HROB: variants seen among roughly 807,000 people sequenced by gnomAD.
HROB encodes homologous recombination OB-fold protein.
In HROB, 44 loss-of-function variants were observed where a neutral mutation model predicts 61.0. That is an observed-to-expected ratio of 0.72 (90% CI 0.57 to 0.93). The LOEUF (loss-of-function observed/expected upper bound fraction) is 0.93, where lower values mean the gene tolerates loss of function less well. Ranked by LOEUF, HROB falls within the 40% of genes least tolerant of loss-of-function variation. The pLI is 0.00. For missense variants in HROB, 716 were observed against 796.2 expected, an observed-to-expected ratio of 0.90 and a Z score of 1.21; for synonymous variants, 301 against 310.4, an observed-to-expected ratio of 0.97 and a Z score of 0.32.
intron 1 of HROB, among the ~76,000 whole-genome samples, chr17:44,142,506 G>C (rs2053481042): frequency 7.4e-6 from 1 of 134,976 alleles, no homozygotes; most frequent in Non-Finnish European, 1.5e-5. Context: ...TCGTTCTGTC[G>C]CCCAGGCTGG....
Position 44,154,920 on chromosome 17 carries a change from A to G in HROB, c.1626A>G (p.Ser542=). 4 of 1,613,882 alleles carry G rather than the reference A, an allele frequency of 2.5e-6. No individual in the cohort carries two copies. Among genetic ancestry groups the G allele is most frequent in the Non-Finnish European group, 1.7e-6 (2 of 1,179,960 alleles). Residue 542 remains serine (S), a synonymous_variant, in exon 7 of 10, where the codon TCA becomes TCG. Transcript: ENST00000585683. ...ETCQNELKPG[S]VLLLKQIGVF... is the part of the protein sequence containing the mutation. Reference sequence around the variant, plus strand: ...GCCAGAATGAGCTGAAGCCTGGCTCAGTGCTGCTGCTGAAGCAGGTATGGG... The same window carrying G: ...GCCAGAATGAGCTGAAGCCTGGCTCGGTGCTGCTGCTGAAGCAGGTATGGG...
At chr17:44,161,765 C>A in intron 9 of HROB, 106 bp from the exon 10 acceptor site, 1 of 1,255,846 alleles carries the variant, frequency 8.0e-7, no homozygotes, top group East Asian at 2.3e-5. Context: ...GCCTGCCCAG[C>A]TATACAGCCA....
chr17:44,153,637 C>G (rs1471058334), intron 5 of HROB, among the ~76,000 whole-genome samples: 2 of 152,030 alleles, frequency 1.3e-5, no homozygotes, highest in African/African-American at 4.8e-5. Context: ...TCTAGCTACT[C>G]AGGAGGCTGA....
chr17:44,152,791 GT>G lies in HROB; in HGVS notation c.1449+15del, dbSNP rs765716501. 1 of 1,610,790 alleles carries G rather than the reference GT, an allele frequency of 6.2e-7. No homozygotes were observed. The highest frequency in any genetic ancestry group is 1.1e-5 in the South Asian group (1 of 90,712). On this transcript the variant is annotated intron_variant, in intron 5 of 9. Transcript: ENST00000585683. ...GTGCTGCGCAAGGTAAGGATTCTGG[GT>G]GCTGAGACCCAAAGGAAAGACCATT...
At position 44,162,170 on chromosome 17, in the gene HROB, C is replaced by A; in HGVS notation, c.*238C>A. 1 of 504,126 alleles carries A rather than the reference C, an allele frequency of 2.0e-6. No individual in the cohort carries two copies. The highest frequency in any genetic ancestry group is 3.6e-6 in the Non-Finnish European group (1 of 281,638). 31.2% of individuals were successfully genotyped at this position (504,126 alleles called of 1,614,324 possible). On this transcript the variant is annotated 3_prime_UTR_variant, in exon 10 of 10. Transcript: ENST00000585683. ...TCCGGCCGGAGACTGGCTCTCCAGC[C>A]AACAAGAAAGGCCTGTCACCCTCGC...
chr17:44,152,145 A>G (rs2053830380), intron 4 of HROB, among the ~76,000 whole-genome samples: 2 of 150,582 alleles, frequency 1.3e-5, no homozygotes. Flanking sequence ...GCGCCCAGTC[A>G]ATTTTTGTAT....
At chr17:44,145,780 G>A (rs1378267694) in intron 2 of HROB, among the ~76,000 whole-genome samples, 2 of 152,192 alleles carry the variant, frequency 1.3e-5, no homozygotes, top group South Asian at 2.1e-4. Flanking sequence ...AAGCTCGCAC[G>A]TTAGAATTAC....
intron 1 of HROB, among the ~76,000 whole-genome samples, chr17:44,142,673 A>G (rs573910082): frequency 6.6e-6 from 1 of 151,890 alleles, no homozygotes; most frequent in East Asian, 1.9e-4. Flanking sequence ...TTTGACACTC[A>G]TCAGGAACTG....
Position 44,147,957 on chromosome 17 carries a change from A to G in HROB, c.154A>G (p.Thr52Ala), listed in dbSNP as rs1261493515. The change falls in exon 3 of 10, where the codon ACT becomes GCT. Residue 52 changes from threonine (T) to alanine (A), a missense_variant. Thr to Ala is a moderately conservative substitution (Grantham distance 58). Transcript: ENST00000585683. ...ACCTGTCTCTTCTAGGCCACAGGAG[A>G]CTGTGCAGGCACAGTCCTCCAGGCT... ...LRPVSSRPQE[T>A]VQAQSSRLLL... is the part of the protein sequence containing the mutation. 1 of 1,613,858 alleles carries G rather than the reference A, an allele frequency of 6.2e-7. No homozygotes were observed. The highest frequency in any genetic ancestry group is 1.3e-5 in the African/African-American group (1 of 74,864).
Position 44,161,881 on chromosome 17 carries a change from T to C in HROB, c.1890T>C (p.Asp630=). The C allele has an allele frequency of 6.2e-7, 1 of 1,614,146 alleles. No homozygotes were observed. The highest frequency in any genetic ancestry group is 1.1e-5 in the South Asian group (1 of 91,092). ...EEELPEADDL[D]GLLSELPEDF... ...TTCCCCTCTCTGTAGATGACCTGGATGGACTCCTGAGTGAGCTTCCTGAAG... is the reference window on the plus strand; with the variant it reads ...TTCCCCTCTCTGTAGATGACCTGGACGGACTCCTGAGTGAGCTTCCTGAAG... Residue 630 remains aspartate (D), a synonymous_variant, in exon 10 of 10, where the codon GAT becomes GAC. Transcript: ENST00000585683.
intron 9 of HROB, among the ~76,000 whole-genome samples, chr17:44,161,618 A>G (rs1397205076): frequency 6.6e-6 from 1 of 152,160 alleles, no homozygotes. Flanking sequence ...GCTCAGGGGA[A>G]TCCTCTTCCT....
Position 44,148,239 on chromosome 17 carries a change from C to A in HROB, c.436C>A (p.Gln146Lys). The change falls in exon 3 of 10, where the codon CAA (glutamine) becomes AAA (lysine). Residue 146 changes from glutamine (Q) to lysine (K), a missense_variant. Coordinates refer to ENST00000585683, the MANE Select transcript of HROB (RefSeq NM_001171251.3). ...PLLTFESQQQ[Q>K]VGGFEGPEQD... ...ACTCACCTTTGAGAGCCAACAGCAG[C>A]AAGTTGGTGGCTTTGAGGGGCCTGA... is the stretch of plus-strand genomic sequence containing the variant. 1.9e-6 allele frequency: 3 copies of A among 1,614,178 alleles called. No homozygotes were observed. In the South Asian group the frequency reaches 3.3e-5, roughly 18 times the overall value.
At chr17:44,149,250 TCTC>T (rs2053723036) in intron 3 of HROB, among the ~76,000 whole-genome samples, 1 of 122,648 alleles carries the variant, frequency 8.2e-6, no homozygotes, top group South Asian at 2.3e-4. Flanking sequence ...TCTTTTTTCT[TCTC>T]CTTTTTTTTT....
chr17:44,160,683 G>A (rs1253497744), intron 9 of HROB, among the ~76,000 whole-genome samples: 3 of 152,044 alleles, frequency 2.0e-5, no homozygotes, highest in African/African-American at 7.2e-5. Context: ...TCTTGCCCTG[G>A]CACCTGGGTA....
At chr17:44,144,276 A>C (rs1449384573) in intron 1 of HROB, among the ~76,000 whole-genome samples, 1 of 151,914 alleles carries the variant, frequency 6.6e-6, no homozygotes, top group East Asian at 1.9e-4. Context: ...AGTAGCTGGG[A>C]TTACAGATGC....
chr17:44,154,745 G>C, intron 6 of HROB, 81 bp downstream of exon 6: 1 of 1,593,830 alleles, frequency 6.3e-7, no homozygotes, highest in South Asian at 1.1e-5. Flanking sequence ...CTCTCCCTTT[G>C]CAGACAGGAA....
intron 5 of HROB, among the ~76,000 whole-genome samples, chr17:44,154,026 G>A (rs1027047944): frequency 2.6e-5 from 4 of 151,806 alleles, no homozygotes; most frequent in African/African-American, 9.7e-5. Flanking sequence ...CAGCCTGGGC[G>A]ACAGAGCGAG....
At position 44,154,657 on chromosome 17, in the gene HROB, C is replaced by T; in HGVS notation, c.1551C>T (p.Asp517=). Residue 517 remains aspartate, a synonymous_variant, in exon 6 of 10, where the codon GAC becomes GAT. Coordinates refer to ENST00000585683, the MANE Select transcript of HROB (RefSeq NM_001171251.3). ...STMDASVVFK[D]PTGEMQGTVH... Reference sequence around the variant, plus strand: ...TGGACGCCAGTGTGGTTTTCAAGGACCCCACGGGTAAGGAATTAGGTCCTA... The same window carrying T: ...TGGACGCCAGTGTGGTTTTCAAGGATCCCACGGGTAAGGAATTAGGTCCTA... The T allele has an allele frequency of 1.2e-6, 2 of 1,614,040 alleles. No individual in the cohort carries two copies. The highest frequency in any genetic ancestry group is 2.2e-5 in the South Asian group (2 of 91,078).
At position 44,152,654 on chromosome 17, in the gene HROB, G is replaced by A. The variant is rs1283260177; in HGVS notation, c.1326G>A (p.Gln442=). 1.2e-6 allele frequency: 2 copies of A among 1,614,166 alleles called. No homozygotes were observed. Among genetic ancestry groups the A allele is most frequent in the South Asian group, 2.2e-5 (2 of 91,082 alleles). Residue 442 remains glutamine (Q), a synonymous_variant, in exon 5 of 10, where the codon CAG becomes CAA. Transcript: ENST00000585683. ...KFQTEIVASS[Q]ASVEEDFGRG... The stretch of plus-strand genomic sequence containing the variant: ...GGTACCAGATTGTTGCTAGTTCCCA[G>A]GCATCTGTGGAGGAGGATTTTGGGC...
Sources: allele counts gnomAD v4.1 joint callset (sites outside exome capture counted in the v4.1 genomes callset), GRCh38; gene constraint gnomAD v4.1.1; transcripts MANE v1.5; gene names NCBI Gene and HGNC (gene_info 2026-07-23, HGNC 2026-07-21).